GLYAT: variants seen among roughly 807,000 people sequenced by gnomAD.
The protein encoded by GLYAT is glycine-N-acyltransferase.
GLYAT carries 25 observed loss-of-function variants against 22.8 expected under a neutral mutation model. That is an observed-to-expected ratio of 1.09 (90% CI 0.80 to 1.53). GLYAT has a LOEUF of 1.53. GLYAT is among the 40% of genes most tolerant of loss of function. The probability of loss-of-function intolerance (pLI) is 0.00; values close to 1 mark genes in which losing one functional copy is unlikely to be tolerated. For synonymous variants in GLYAT, 140 were observed against 122.7 expected (o/e 1.14, Z -0.93); for missense variants, 411 against 353.9 (o/e 1.16, Z -1.29).
In GLYAT at chr11:58,715,249, T is replaced by A. The variant is rs141448592; in HGVS notation, c.189+67A>T. The A allele has an allele frequency of 3.1e-3, 2,363 of 759,398 alleles. 44 individuals carry two copies. The highest frequency in any genetic ancestry group is 0.018 in the South Asian group (1,176 of 64,684). The allele number at this position is 759,398 out of a possible 1,614,324, so 47.0% of individuals were successfully genotyped here. A position where few individuals can be genotyped will look rare whatever the true frequency, so the allele number is the denominator to read the frequency against. On this transcript the variant is annotated intron_variant, in intron 3 of 5. Transcript: ENST00000344743. ...TTCTGCATGCCCTGGCTCTACCATA[T>A]TGCTAAGAATGTAATAGGCACACAG...
rs374636436 is a variant in GLYAT at position 58,709,750 on chromosome 11, A to G, written c.*16T>C. The G allele has an allele frequency of 1.5e-4, 247 of 1,594,876 alleles. No individual in the cohort carries two copies. Among genetic ancestry groups the G allele is most frequent in the Non-Finnish European group, 2.0e-4 (231 of 1,169,074 alleles). ...GCCCAGACCTGCCCAACACTGTCTT[A>G]TGTTCAGGATTGGCATCACAGAGGT... On this transcript the variant is annotated 3_prime_UTR_variant, in exon 6 of 6. Coordinates refer to ENST00000344743, the MANE Select transcript of GLYAT (RefSeq NM_201648.3).
intron 1 of GLYAT, among the ~76,000 whole-genome samples, chr11:58,725,947 T>C (rs570244): frequency 0.73 from 111,027 of 151,970 alleles, 41,232 homozygotes; most frequent in Middle Eastern, 0.88. Flanking sequence ...ACCAGTCAAA[T>C]GTCCCTAGAA....
rs1349851589 is a variant in GLYAT, at chr11:58,709,960, T to G, written c.697A>C (p.Thr233Pro). 1.6e-5 allele frequency: 26 copies of G among 1,613,914 alleles called. No homozygotes were observed. Among genetic ancestry groups the G allele is most frequent in the Non-Finnish European group, 2.2e-5 (26 of 1,179,946 alleles). The change falls in exon 6 of 6, where the codon ACC becomes CCC. Residue 233 changes from threonine (T) to proline (P), a missense_variant. Transcript: ENST00000344743. ...DQTGEMRMAGTLPEYRLHGLV... is the reference protein window; with the variant it reads ...DQTGEMRMAGPLPEYRLHGLV... ...CCATGGAGCCGGTATTCCGGCAAGG[T>G]GCCTGCCATTCTCATCTCTCCAGTC... is the stretch of plus-strand genomic sequence containing the variant.
chr11:58,709,726 C>T lies in GLYAT; in HGVS notation c.*40G>A. The T allele has an allele frequency of 6.4e-7, 1 of 1,563,672 alleles. No homozygotes were observed. The highest frequency in any genetic ancestry group is 1.8e-5 in the Admixed American group (1 of 54,236). On this transcript the variant is annotated 3_prime_UTR_variant, in exon 6 of 6. Transcript: ENST00000344743. The stretch of plus-strand genomic sequence containing the variant: ...CACCATCCACTCCTCAAATTATACG[C>T]CCAGACCTGCCCAACACTGTCTTAT...
chr11:58,709,897 A>G lies in GLYAT; in HGVS notation c.760T>C (p.Leu254=), dbSNP rs746040688. ...TYVIYSHAQK[L]GKLGFPVYSH... ...TAGACAGGAAACCCAAGTTTGCCCA[A>G]TTTCTGGGCGTGGGAATAGATGACA... is the stretch of plus-strand genomic sequence containing the variant. Residue 254 remains leucine (L), a synonymous_variant, in exon 6 of 6, where the codon TTG becomes CTG. Coordinates refer to ENST00000344743, the MANE Select transcript of GLYAT (RefSeq NM_201648.3). The G allele has an allele frequency of 9.9e-6, 16 of 1,614,120 alleles. No homozygotes were observed. The South Asian group carries it at 1.6e-4, about 17-fold the overall frequency.
intron 5 of GLYAT, 136 bp downstream of exon 5, chr11:58,710,454 T>A: frequency 1.2e-6 from 1 of 801,680 alleles, no homozygotes; most frequent in Non-Finnish European, 2.1e-6. Flanking sequence ...ATGTTCTGAG[T>A]TACATTTTTT....
At chr11:58,720,241 AT>A (rs1856733195) in intron 2 of GLYAT, among the ~76,000 whole-genome samples, 1 of 151,966 alleles carries the variant, frequency 6.6e-6, no homozygotes, top group Non-Finnish European at 1.5e-5. Context: ...CCTACAATAT[AT>A]TTTTATGGGA....
rs150025002 is a variant in GLYAT at position 58,709,850 on chromosome 11, A to G, written c.807T>C (p.Asn269=). 22 of 1,613,942 alleles carry G rather than the reference A, an allele frequency of 1.4e-5. No homozygotes were observed. The highest frequency in any genetic ancestry group is 1.8e-5 in the Non-Finnish European group (21 of 1,179,916). Residue 269 remains asparagine (N), a synonymous_variant, in exon 6 of 6, where the codon AAT becomes AAC. Transcript: ENST00000344743. Reference sequence around the variant, plus strand: ...TGTAACTCATTTTTTGCATAGCTTCATTGCTGTAGTCTACATGAGAATAGA... The same window carrying G: ...TGTAACTCATTTTTTGCATAGCTTCGTTGCTGTAGTCTACATGAGAATAGA... ...FPVYSHVDYS[N]EAMQKMSYTL...
intron 2 of GLYAT, 76 bp downstream of exon 2, chr11:58,724,340 T>A (rs1856788485): frequency 4.2e-6 from 3 of 719,318 alleles, no homozygotes; most frequent in Non-Finnish European, 7.1e-6. Context: ...AGGTGCATCA[T>A]AAATATCAGT....
intron 2 of GLYAT, among the ~76,000 whole-genome samples, chr11:58,716,224 G>C (rs566670509): frequency 6.6e-6 from 1 of 152,230 alleles, no homozygotes; most frequent in East Asian, 1.9e-4. Flanking sequence ...TTTTGGGGTT[G>C]TGGTATGCAG....
intron 1 of GLYAT, chr11:58,728,534 G>C (rs979260545): frequency 6.6e-6 from 1 of 152,030 alleles, no homozygotes. Context: ...AACAGAACTT[G>C]AATTTACCTT....
intron 3 of GLYAT, among the ~76,000 whole-genome samples, chr11:58,714,721 C>A (rs1053706876): frequency 6.6e-6 from 1 of 152,086 alleles, no homozygotes; most frequent in Admixed American, 6.6e-5. Context: ...TTTCTCCTGC[C>A]ACCATGTGAA....
chr11:58,726,363 G>A (rs1479025048), intron 1 of GLYAT, among the ~76,000 whole-genome samples: 7 of 152,086 alleles, frequency 4.6e-5, no homozygotes. Context: ...TTGTTCTGTG[G>A]ATTTGGCCTC....
Position 58,709,722 on chromosome 11 carries a change from T to C in GLYAT, c.*44A>G, listed in dbSNP as rs774476360. The C allele has an allele frequency of 1.9e-5, 29 of 1,545,614 alleles. No individual in the cohort carries two copies. Among genetic ancestry groups the C allele is most frequent in the Non-Finnish European group, 2.5e-5 (29 of 1,146,298 alleles). ...CATCCACCATCCACTCCTCAAATTA[T>C]ACGCCCAGACCTGCCCAACACTGTC... On this transcript the variant is annotated 3_prime_UTR_variant, in exon 6 of 6. Coordinates refer to ENST00000344743, the MANE Select transcript of GLYAT (RefSeq NM_201648.3).
intron 2 of GLYAT, among the ~76,000 whole-genome samples, chr11:58,722,459 C>T (rs373414874): frequency 3.3e-5 from 5 of 151,858 alleles, no homozygotes; most frequent in East Asian, 1.9e-4. Context: ...TACTTTGGTT[C>T]GGTTTGGAAA....
At chr11:58,725,948 G>A (rs891362597) in intron 1 of GLYAT, among the ~76,000 whole-genome samples, 4 of 152,066 alleles carry the variant, frequency 2.6e-5, no homozygotes, top group African/African-American at 9.7e-5. Context: ...CCAGTCAAAT[G>A]TCCCTAGAAG....
intron 2 of GLYAT, among the ~76,000 whole-genome samples, chr11:58,723,431 C>T (rs890666334): frequency 3.9e-5 from 6 of 152,136 alleles, no homozygotes; most frequent in Admixed American, 3.9e-4. Flanking sequence ...AGCTTGTTGT[C>T]TCAATGCATC....
chr11:58,720,372 A>G lies in GLYAT; in HGVS notation c.81+4044T>C, dbSNP rs568221681. 1.3e-4 allele frequency among the ~76,000 whole-genome samples: 20 copies of G among 152,144 alleles called. No homozygotes were observed. The East Asian group carries it at 3.7e-3, about 28-fold the overall frequency. On this transcript the variant is annotated intron_variant, in intron 2 of 5. Coordinates refer to ENST00000344743, the MANE Select transcript of GLYAT (RefSeq NM_201648.3). ...ATTACCCCAATTATTTTAATTGTTT[A>G]CCTGGATTATTTATGAAAACTGTGA...
rs989657961 is a variant in GLYAT at position 58,709,876 on chromosome 11, C to G, written c.781G>C (p.Val261Leu). 4.3e-6 allele frequency: 7 copies of G among 1,614,004 alleles called. No homozygotes were observed. Among genetic ancestry groups the G allele is most frequent in the Non-Finnish European group, 5.1e-6 (6 of 1,179,998 alleles). ...AQKLGKLGFP[V>L]YSHVDYSNEA... The stretch of plus-strand genomic sequence containing the variant: ...TTGCTGTAGTCTACATGAGAATAGA[C>G]AGGAAACCCAAGTTTGCCCAATTTC... The change falls in exon 6 of 6, where the codon GTC becomes CTC. Residue 261 changes from valine to leucine, a missense_variant. Val to Leu is a conservative substitution (Grantham distance 32). Coordinates refer to ENST00000344743, the MANE Select transcript of GLYAT (RefSeq NM_201648.3).
Sources: allele counts gnomAD v4.1 joint callset (sites outside exome capture counted in the v4.1 genomes callset), GRCh38; gene constraint gnomAD v4.1.1; transcripts MANE v1.5; gene names NCBI Gene and HGNC (gene_info 2026-07-23, HGNC 2026-07-21).